SEC22A: variants seen among roughly 807,000 people sequenced by gnomAD.
SEC22A encodes SEC22 homolog A, vesicle trafficking protein, also known as vesicle-trafficking protein SEC22a.
SEC22A carries 22 observed loss-of-function variants against 35.3 expected under a neutral mutation model. That is an observed-to-expected ratio of 0.62 (90% CI 0.45 to 0.89). The LOEUF (loss-of-function observed/expected upper bound fraction) is 0.89. Among genes scored for constraint, SEC22A ranks in the 40% least tolerant of loss-of-function variants. SEC22A has a pLI of 0.00. For missense variants in SEC22A, 354 were observed against 362.5 expected (o/e 0.98, Z 0.19); for synonymous variants, 119 against 129.5 (o/e 0.92, Z 0.55).
At chr3:123,216,430 A>G (rs1937025541) in intron 2 of SEC22A, among the ~76,000 whole-genome samples, 1 of 152,248 alleles carries the variant, frequency 6.6e-6, no homozygotes, top group South Asian at 2.1e-4. Context: ...TTGACTTCTT[A>G]AAATGATCTC....
chr3:123,257,755 C>T (rs890369999), intron 5 of SEC22A, among the ~76,000 whole-genome samples: 3 of 151,596 alleles, frequency 2.0e-5, no homozygotes, highest in South Asian at 2.1e-4. Flanking sequence ...CTTTGGGAGG[C>T]CGAGGCGGGC....
chr3:123,254,822 G>A (rs1346919151), intron 5 of SEC22A, among the ~76,000 whole-genome samples: 1 of 151,932 alleles, frequency 6.6e-6, no homozygotes, highest in Non-Finnish European at 1.5e-5. Flanking sequence ...CCATGTTGGT[G>A]TGCTGCACCC....
Position 123,246,017 on chromosome 3 carries a change from A to G in SEC22A, c.657+3A>G. 4 of 1,561,166 alleles carry G rather than the reference A, an allele frequency of 2.6e-6. No individual in the cohort carries two copies. Among genetic ancestry groups the G allele is most frequent in the Non-Finnish European group, 3.5e-6 (4 of 1,134,252 alleles). Reference sequence around the variant, plus strand: ...ATGCTATAGAAAGTCTCCTGCAGGTACTGTGCTATTTTTGCAATTTCAGGT... The same window carrying G: ...ATGCTATAGAAAGTCTCCTGCAGGTGCTGTGCTATTTTTGCAATTTCAGGT... On this transcript the variant is annotated splice_donor_region_variant and intron_variant, in intron 5 of 6. Transcript: ENST00000492595.
chr3:123,212,057 A>AATAT (rs1187614518), intron 2 of SEC22A, among the ~76,000 whole-genome samples: 1 of 152,110 alleles, frequency 6.6e-6, no homozygotes, highest in African/African-American at 2.4e-5. Flanking sequence ...TGTCTCAAAA[A>AATAT]ATATATATAA....
intron 1 of SEC22A, chr3:123,208,581 C>A (rs1315102906): frequency 6.6e-6 from 1 of 152,176 alleles, no homozygotes; most frequent in African/African-American, 2.4e-5. Flanking sequence ...CGCCTATAGT[C>A]CCAGCCACAT....
intron 4 of SEC22A, among the ~76,000 whole-genome samples, chr3:123,229,412 A>G (rs1336834867): frequency 6.6e-6 from 1 of 152,252 alleles, no homozygotes; most frequent in Non-Finnish European, 1.5e-5. Context: ...ATGACATACA[A>G]ATTGCTGAAA....
intron 2 of SEC22A, among the ~76,000 whole-genome samples, chr3:123,219,156 A>G (rs1203188363): frequency 2.0e-5 from 3 of 152,102 alleles, no homozygotes; most frequent in Non-Finnish European, 4.4e-5. Flanking sequence ...GAAGTTTCTC[A>G]GTTTGGAAGT....
rs1294526582 is a variant in SEC22A, at chr3:123,206,615, G to GGTTT, written c.-19-2583_-19-2580dup. ...CATGGTAAAAAAAAAATTAAAGAGG[G>GGTTT]GTTTATAGTATAGATATCTCTTCAG... On this transcript the variant is annotated intron_variant, in intron 1 of 6. Transcript: ENST00000492595. 2.6e-5 allele frequency among the ~76,000 whole-genome samples: 4 copies of GGTTT among 152,034 alleles called. No homozygotes were observed. The East Asian group carries it at 7.7e-4, about 29-fold the overall frequency.
chr3:123,266,103 T>G (rs1328198315), intron 6 of SEC22A, among the ~76,000 whole-genome samples: 2 of 152,212 alleles, frequency 1.3e-5, no homozygotes, highest in African/African-American at 4.8e-5. Flanking sequence ...TGTAGTATTC[T>G]CTTACTGGCC....
chr3:123,215,224 G>C (rs1228341279), intron 2 of SEC22A, among the ~76,000 whole-genome samples: 4 of 152,122 alleles, frequency 2.6e-5, no homozygotes, highest in African/African-American at 4.8e-5. Context: ...TATTTTGAAG[G>C]GTAGTGGTGG....
intron 4 of SEC22A, among the ~76,000 whole-genome samples, chr3:123,235,438 C>T (rs1937402156): frequency 6.9e-6 from 1 of 144,996 alleles, no homozygotes; most frequent in South Asian, 2.2e-4. Context: ...AGATGTTCAA[C>T]GTCATAGTCA....
chr3:123,230,873 G>T (rs1046912606), intron 4 of SEC22A, among the ~76,000 whole-genome samples: 1 of 152,040 alleles, frequency 6.6e-6, no homozygotes, highest in Admixed American at 6.6e-5. Context: ...GATGGAGATT[G>T]TAAGATTGGA....
chr3:123,257,010 C>T (rs1419475682), intron 5 of SEC22A, among the ~76,000 whole-genome samples: 2 of 152,070 alleles, frequency 1.3e-5, no homozygotes, highest in Non-Finnish European at 2.9e-5. Context: ...CTGCCCACCT[C>T]GGCCTCCCAA....
chr3:123,211,283 T>C (rs1489905126), intron 2 of SEC22A, among the ~76,000 whole-genome samples: 2 of 152,056 alleles, frequency 1.3e-5, no homozygotes, highest in African/African-American at 2.4e-5. Context: ...GTTGGATCAC[T>C]TCAAAAGAAG....
intron 1 of SEC22A, among the ~76,000 whole-genome samples, chr3:123,206,634 T>C (rs960234965): frequency 6.6e-6 from 1 of 152,188 alleles, no homozygotes; most frequent in East Asian, 1.9e-4. Context: ...TATAGATATC[T>C]CTTCAGGGAT....
chr3:123,246,180 T>C (rs946988090), intron 5 of SEC22A, among the ~76,000 whole-genome samples, 166 bp downstream of exon 5: 16 of 152,248 alleles, frequency 1.1e-4, no homozygotes, highest in African/African-American at 3.9e-4. Flanking sequence ...GGTTGGCTTC[T>C]TTGATTCCAT....
intron 4 of SEC22A, among the ~76,000 whole-genome samples, chr3:123,231,740 G>A (rs1402318430): frequency 6.6e-6 from 1 of 151,920 alleles, no homozygotes; most frequent in Non-Finnish European, 1.5e-5. Flanking sequence ...CAGATTTGAA[G>A]ACAACTTTCC....
At position 123,271,953 on chromosome 3, in the gene SEC22A, A is replaced by G. The variant is rs1051454484; in HGVS notation, c.*231A>G. On this transcript the variant is annotated 3_prime_UTR_variant, in exon 7 of 7. Coordinates refer to ENST00000492595, the MANE Select transcript of SEC22A (RefSeq NM_012430.5). Reference sequence around the variant, plus strand: ...GAGGAGGAGGGGATTTCTCTCTTCAAGGCCGTAACAGTGGAAGAACAGTCA... The same window carrying G: ...GAGGAGGAGGGGATTTCTCTCTTCAGGGCCGTAACAGTGGAAGAACAGTCA... 9 of 556,418 alleles carry G rather than the reference A, an allele frequency of 1.6e-5. No individual in the cohort carries two copies. Among genetic ancestry groups the G allele is most frequent in the Non-Finnish European group, 2.9e-5 (9 of 311,892 alleles). 34.5% of individuals were successfully genotyped at this position (556,418 alleles called of 1,614,324 possible). A position where few individuals can be genotyped will look rare whatever the true frequency, so the allele number is the denominator to read the frequency against.
chr3:123,210,503 A>G (rs1936925325), intron 2 of SEC22A, among the ~76,000 whole-genome samples: 1 of 152,166 alleles, frequency 6.6e-6, no homozygotes, highest in Non-Finnish European at 1.5e-5. Flanking sequence ...GGACATGTTA[A>G]ATCTGAGATG....
Sources: gnomAD v4.1 joint callset for allele counts (sites outside exome capture counted in the v4.1 genomes callset) on GRCh38, gnomAD v4.1.1 for gene constraint, MANE v1.5 for transcripts, NCBI Gene and HGNC (gene_info 2026-07-23, HGNC 2026-07-21) for gene names.